Variants in BAIAP2 observed in about 807,000 individuals in gnomAD.
BAIAP2 encodes the protein BAR/IMD domain-containing adapter protein 2.
A neutral mutation model predicts 63.0 loss-of-function variants in BAIAP2; 18 were observed. The ratio of observed to expected loss-of-function variants is 0.29; its 90% CI spans 0.20 to 0.42. BAIAP2 has a LOEUF of 0.42. Among genes scored for constraint, BAIAP2 ranks in the 10% least tolerant of loss-of-function variants. BAIAP2 has a pLI of 1.00. For synonymous variants in BAIAP2, 386 were observed against 307.6 expected (o/e 1.25, Z -2.67); for missense variants, 610 against 734.3 (o/e 0.83, Z 1.96).
intron 6 of BAIAP2, among the ~76,000 whole-genome samples, chr17:81,095,958 G>T (rs1288208820): frequency 2.0e-5 from 3 of 152,146 alleles, no homozygotes; most frequent in African/African-American, 4.8e-5. Context: ...AGAAAGTACC[G>T]TAGCCTAAAA....
At chr17:81,086,795 C>T in intron 6 of BAIAP2, 1 of 569,746 alleles carries the variant, frequency 1.8e-6, no homozygotes, top group Non-Finnish European at 3.1e-6. Flanking sequence ...CCTGCTCTTG[C>T]AGCCTCCCAG....
intron 3 of BAIAP2, among the ~76,000 whole-genome samples, chr17:81,062,567 C>T (rs1449329193): frequency 6.6e-6 from 1 of 152,168 alleles, no homozygotes; most frequent in Non-Finnish European, 1.5e-5. Context: ...CCCTCGTGGG[C>T]TGCTCGGCCG....
chr17:81,060,926 C>T (rs1244085704), intron 3 of BAIAP2, among the ~76,000 whole-genome samples: 1 of 152,042 alleles, frequency 6.6e-6, no homozygotes, highest in Admixed American at 6.6e-5. Context: ...AGTTCGAGAC[C>T]AGCCTGGGCA....
chr17:81,108,096 G>A (rs372135584), intron 12 of BAIAP2: 2 of 306,410 alleles, frequency 6.5e-6, no homozygotes, highest in South Asian at 1.0e-4. Context: ...GCAGGCGGAG[G>A]AGTCCCAGGG....
intron 13 of BAIAP2, among the ~76,000 whole-genome samples, chr17:81,112,740 C>T (rs2060064118): frequency 6.6e-6 from 1 of 152,248 alleles, no homozygotes; most frequent in South Asian, 2.1e-4. Context: ...TTCTGCTTCA[C>T]ATTCAAGTCA....
chr17:81,060,638 A>T (rs900468998), intron 3 of BAIAP2, among the ~76,000 whole-genome samples: 1 of 152,192 alleles, frequency 6.6e-6, no homozygotes, highest in Non-Finnish European at 1.5e-5. Flanking sequence ...TCTCCTGGGC[A>T]TGCACCGAAA....
chr17:81,105,185 C>G (rs1374229615), intron 10 of BAIAP2: 7 of 169,854 alleles, frequency 4.1e-5, no homozygotes, highest in African/African-American at 1.7e-4. Flanking sequence ...GGGTCTCCCC[C>G]CAATGGCTCG....
chr17:81,105,032 A>G (rs542125203), intron 10 of BAIAP2: 48 of 252,190 alleles, frequency 1.9e-4, no homozygotes, highest in African/African-American at 1.0e-3. Flanking sequence ...ATCTCCCCCA[A>G]TGGCAGGGGT....
chr17:81,109,292 C>T lies in BAIAP2; in HGVS notation c.1535+783C>T, dbSNP rs1598833844. The T allele has an allele frequency of 1.0e-5, 13 of 1,239,842 alleles. No individual in the cohort carries two copies. The East Asian group carries it at 4.3e-4, about 41-fold the overall frequency. 76.8% of individuals were successfully genotyped at this position (1,239,842 alleles called of 1,614,324 possible). ...CCGTGCGGGGCACCCTCGGCCTCAC[C>T]CTGCAGTGTCTGTGGCACTCACTGC... On this transcript the variant is annotated intron_variant, in intron 13 of 13. Transcript: ENST00000428708.
At position 81,086,323 on chromosome 17, in the gene BAIAP2, G is replaced by C. The variant is rs2055634456; in HGVS notation, c.352-120G>C. On this transcript the variant is annotated intron_variant, in intron 5 of 13. Coordinates refer to ENST00000428708, the MANE Select transcript of BAIAP2 (RefSeq NM_001144888.2). ...CCAGAGAGCGAGCCAGGAAGGGAGTGGCAGGGCTGGCAAGGGGACCCCGTT... is the reference window on the plus strand; with the variant it reads ...CCAGAGAGCGAGCCAGGAAGGGAGTCGCAGGGCTGGCAAGGGGACCCCGTT... 4.1e-6 allele frequency: 5 copies of C among 1,217,622 alleles called. No homozygotes were observed. In the South Asian group the frequency reaches 7.0e-5, roughly 17 times the overall value. 75.4% of individuals were successfully genotyped at this position (1,217,622 alleles called of 1,614,324 possible). A position where few individuals can be genotyped will look rare whatever the true frequency, so the allele number is the denominator to read the frequency against.
At chr17:81,088,282 G>A (rs756967864) in intron 6 of BAIAP2, among the ~76,000 whole-genome samples, 1 of 149,100 alleles carries the variant, frequency 6.7e-6, no homozygotes, top group Admixed American at 6.6e-5. Flanking sequence ...TCTGGGGATG[G>A]GGATACTGAG....
At chr17:81,051,292 A>G (rs1425334900) in intron 1 of BAIAP2, among the ~76,000 whole-genome samples, 3 of 152,242 alleles carry the variant, frequency 2.0e-5, no homozygotes, top group Middle Eastern at 6.8e-3. Flanking sequence ...CCCCTCTGAC[A>G]TCCCAGAGCC....
chr17:81,042,942 G>T (rs934599192), intron 1 of BAIAP2, among the ~76,000 whole-genome samples: 19 of 152,184 alleles, frequency 1.2e-4, no homozygotes, highest in African/African-American at 4.3e-4. Context: ...GGAGTGCAGT[G>T]GTGTGACCTT....
chr17:81,084,113 C>G (rs1054498635), intron 3 of BAIAP2, among the ~76,000 whole-genome samples: 27 of 152,210 alleles, frequency 1.8e-4, no homozygotes, highest in Non-Finnish European at 2.9e-5. Flanking sequence ...GCATTTTGCA[C>G]ACGGGCCGAG....
intron 1 of BAIAP2, among the ~76,000 whole-genome samples, chr17:81,042,304 C>T (rs969141583): frequency 1.0e-4 from 13 of 129,990 alleles, no homozygotes; most frequent in African/African-American, 3.5e-4. Context: ...CACCTGTGTG[C>T]CTGGCTAATT....
intron 3 of BAIAP2, among the ~76,000 whole-genome samples, chr17:81,084,498 G>C (rs2055212534): frequency 6.6e-6 from 1 of 152,098 alleles, no homozygotes; most frequent in Non-Finnish European, 1.5e-5. Context: ...ATGCGTATGA[G>C]GACGCGTGTT....
At chr17:81,058,932 G>A (rs937165788) in intron 3 of BAIAP2, among the ~76,000 whole-genome samples, 1 of 152,148 alleles carries the variant, frequency 6.6e-6, no homozygotes, top group African/African-American at 2.4e-5. Context: ...GGGGGGTCGT[G>A]GGTTGCTCTG....
chr17:81,055,569 G>GT (rs1555657837), intron 2 of BAIAP2, among the ~76,000 whole-genome samples: 1 of 94,190 alleles, frequency 1.1e-5, no homozygotes, highest in East Asian at 3.4e-4. Flanking sequence ...TCTGCAGGGT[G>GT]TTTTGTTTTT....
Position 81,116,237 on chromosome 17 carries a change from C to G in BAIAP2, c.*398C>G. 1 of 1,612,756 alleles carries G rather than the reference C, an allele frequency of 6.2e-7. No homozygotes were observed. The highest frequency in any genetic ancestry group is 8.5e-7 in the Non-Finnish European group (1 of 1,179,936). The stretch of plus-strand genomic sequence containing the variant: ...AGGCTTCTCCTGCACCAGGTGTGAT[C>G]TGTCCGCCCAAGGGCCAGAAGGCCG... On this transcript the variant is annotated 3_prime_UTR_variant, in exon 14 of 14. Transcript: ENST00000428708.
Sources: gnomAD v4.1 joint callset for allele counts (sites outside exome capture counted in the v4.1 genomes callset) on GRCh38, gnomAD v4.1.1 for gene constraint, MANE v1.5 for transcripts, NCBI Gene and HGNC (gene_info 2026-07-23, HGNC 2026-07-21) for gene names.